Variants in MICU2 observed in about 807,000 individuals in gnomAD.
The protein encoded by MICU2 is calcium uptake protein 2, mitochondrial.
In MICU2, 64 loss-of-function variants were observed where a neutral mutation model predicts 60.4. The ratio of observed to expected loss-of-function variants is 1.06; its 90% confidence interval spans 0.87 to 1.31. The LOEUF is 1.31. Ranked by LOEUF, MICU2 falls within the 50% of genes most tolerant of loss-of-function variation. The pLI, the probability that MICU2 is intolerant of heterozygous loss-of-function variation, is 0.00. For synonymous variants in MICU2, 201 were observed against 175.0 expected (o/e 1.15, Z -1.17); for missense variants, 569 against 531.0 (o/e 1.07, Z -0.70).
At chr13:21,583,889 C>T (rs1888402399) in intron 1 of MICU2, among the ~76,000 whole-genome samples, 2 of 152,168 alleles carry the variant, frequency 1.3e-5, no homozygotes, top group African/African-American at 4.8e-5. Flanking sequence ...AATCTCCTGA[C>T]ATTTAAGAAA....
At position 21,495,481 on chromosome 13, in the gene MICU2, G is replaced by C. The variant is rs1419440607; in HGVS notation, c.1043-163C>G. ...CATGAAGAAAATATTCAAACCATAA[G>C]CCGACGAATGTCATGAGAGTCACTG... On this transcript the variant is annotated intron_variant, in intron 10 of 11. Coordinates refer to ENST00000382374, the MANE Select transcript of MICU2 (RefSeq NM_152726.3). 6.5e-6 allele frequency: 4 copies of C among 613,658 alleles called. No individual in the cohort carries two copies. In the East Asian group the frequency reaches 8.5e-5, roughly 13 times the overall value. The allele number at this position is 613,658 out of a possible 1,614,324, so 38.0% of individuals were successfully genotyped here. A position where few individuals can be genotyped will look rare whatever the true frequency, so the allele number is the denominator to read the frequency against.
At chr13:21,535,594 C>T (rs1025779701) in intron 4 of MICU2, among the ~76,000 whole-genome samples, 4 of 152,030 alleles carry the variant, frequency 2.6e-5, no homozygotes, top group African/African-American at 9.7e-5. Flanking sequence ...TTTAAAAATA[C>T]CATTTATTTA....
At chr13:21,583,861 A>C (rs1030609627) in intron 1 of MICU2, among the ~76,000 whole-genome samples, 2 of 152,222 alleles carry the variant, frequency 1.3e-5, no homozygotes, top group African/African-American at 4.8e-5. Context: ...TTTTGTCCTT[A>C]AAACAACAGT....
intron 2 of MICU2, among the ~76,000 whole-genome samples, chr13:21,546,343 C>A (rs1887419058): frequency 6.9e-6 from 1 of 144,090 alleles, no homozygotes. Context: ...ATAATAAGAG[C>A]ATTATACACA....
chr13:21,597,930 CA>C (rs11428461), intron 1 of MICU2, among the ~76,000 whole-genome samples: 4 of 84,726 alleles, frequency 4.7e-5, no homozygotes, highest in Admixed American at 1.6e-4. Flanking sequence ...GACTCTGTCT[CA>C]AAAAAAAAAA....
chr13:21,601,830 G>T (rs1199256344), intron 1 of MICU2, among the ~76,000 whole-genome samples: 6 of 152,080 alleles, frequency 3.9e-5, no homozygotes. Context: ...TTTTGGCCGG[G>T]CGCTGTGGCT....
At chr13:21,578,229 CA>C (rs1314162107) in intron 1 of MICU2, among the ~76,000 whole-genome samples, 3 of 152,192 alleles carry the variant, frequency 2.0e-5, no homozygotes, top group Non-Finnish European at 4.4e-5. Context: ...GCATGGCTAA[CA>C]TGGTAACATT....
At chr13:21,566,675 G>C in intron 2 of MICU2, 122 bp downstream of exon 2, 1 of 771,020 alleles carries the variant, frequency 1.3e-6, no homozygotes, top group South Asian at 2.0e-5. Flanking sequence ...GTCTAAATAA[G>C]CAAATGCATG....
chr13:21,512,849 C>T (rs775221210), intron 7 of MICU2, among the ~76,000 whole-genome samples: 2 of 152,096 alleles, frequency 1.3e-5, no homozygotes, highest in East Asian at 3.8e-4. Context: ...CTTCTAAGAG[C>T]TCTATAAGTT....
intron 11 of MICU2, 101 bp from the exon 12 acceptor site, chr13:21,493,454 C>G: frequency 1.3e-6 from 1 of 749,788 alleles, no homozygotes; most frequent in Admixed American, 3.3e-5. Flanking sequence ...CACACTCCTC[C>G]AAAAATAGTT....
intron 2 of MICU2, among the ~76,000 whole-genome samples, chr13:21,557,694 T>C (rs1887741282): frequency 1.3e-5 from 2 of 152,170 alleles, no homozygotes; most frequent in Non-Finnish European, 1.5e-5. Context: ...TAATGATCTG[T>C]AGGAATGCAA....
intron 1 of MICU2, among the ~76,000 whole-genome samples, chr13:21,572,428 G>A (rs1014617281): frequency 6.6e-6 from 1 of 152,202 alleles, no homozygotes; most frequent in Non-Finnish European, 1.5e-5. Flanking sequence ...AGTGCCAAGT[G>A]AATCTACATT....
In MICU2 at chr13:21,530,776, CCAG is replaced by C. The variant is rs570462509; in HGVS notation, c.467-8129_467-8127del. 2,313 of 649,332 alleles carry C rather than the reference CCAG, an allele frequency of 3.6e-3. 11 individuals carry two copies. Among genetic ancestry groups the C allele is most frequent in the Middle Eastern group, 7.3e-3 (19 of 2,600 alleles). 40.2% of individuals were successfully genotyped at this position (649,332 alleles called of 1,614,324 possible). A position where few individuals can be genotyped will look rare whatever the true frequency, so the allele number is the denominator to read the frequency against. On this transcript the variant is annotated intron_variant, in intron 4 of 11. Coordinates refer to ENST00000382374, the MANE Select transcript of MICU2 (RefSeq NM_152726.3). The stretch of plus-strand genomic sequence containing the variant: ...CACCCCAGCCATACCCACCACCGCC[CCAG>C]CAGCAGCACCAGGAAGAGATGGCGG...
intron 9 of MICU2, among the ~76,000 whole-genome samples, chr13:21,500,417 A>ATTTTTTTTTTTTTTTTTTTTTTT (rs10608018): frequency 8.0e-6 from 1 of 124,960 alleles, no homozygotes; most frequent in African/African-American, 3.0e-5. Context: ...ATACCTACTG[A>ATTTTTTTTTTTTTTTTTTTTTTT]TTTTTTTTTT....
intron 4 of MICU2, among the ~76,000 whole-genome samples, chr13:21,537,791 T>C (rs1273982903): frequency 1.3e-5 from 2 of 152,112 alleles, no homozygotes; most frequent in Non-Finnish European, 2.9e-5. Context: ...TAAATCCTAT[T>C]TTATAAAGAA....
chr13:21,493,607 G>T (rs1404231682), intron 11 of MICU2, among the ~76,000 whole-genome samples: 1 of 152,008 alleles, frequency 6.6e-6, no homozygotes, highest in Admixed American at 6.6e-5. Flanking sequence ...TCTCTAAGAG[G>T]GTAATGAAGA....
intron 1 of MICU2, among the ~76,000 whole-genome samples, chr13:21,600,745 T>C (rs1427470148): frequency 6.6e-6 from 1 of 152,152 alleles, no homozygotes; most frequent in Non-Finnish European, 1.5e-5. Context: ...TATATTTTTA[T>C]TGGAAAAAAG....
intron 2 of MICU2, among the ~76,000 whole-genome samples, 161 bp from the exon 3 acceptor site, chr13:21,539,849 A>T (rs892815696): frequency 6.6e-6 from 1 of 152,242 alleles, no homozygotes; most frequent in South Asian, 2.1e-4. Flanking sequence ...CATAATCATG[A>T]GTCAGAGAAT....
intron 6 of MICU2, among the ~76,000 whole-genome samples, chr13:21,517,206 T>G (rs1886591658): frequency 6.6e-6 from 1 of 152,222 alleles, no homozygotes; most frequent in South Asian, 2.1e-4. Context: ...AGTAACAAAC[T>G]GAGGCAATCT....
Sources: gnomAD v4.1 joint callset for allele counts (sites outside exome capture counted in the v4.1 genomes callset) on GRCh38, gnomAD v4.1.1 for gene constraint, MANE v1.5 for transcripts, NCBI Gene and HGNC (gene_info 2026-07-23, HGNC 2026-07-21) for gene names.